RNF20: variants seen among roughly 807,000 people sequenced by gnomAD.
RNF20 encodes the protein ring finger protein 20.
Under a neutral mutation model 126.2 loss-of-function variants are expected in RNF20, and 84 were observed. That is an observed-to-expected ratio of 0.67 (90% CI 0.56 to 0.80). The LOEUF (loss-of-function observed/expected upper bound fraction) is 0.80. Among genes scored for constraint, RNF20 ranks in the 30% least tolerant of loss-of-function variants. RNF20 has a pLI of 0.00. For missense variants in RNF20, 869 were observed against 1,188.2 expected (o/e 0.73, Z 3.95); for synonymous variants, 400 against 414.3 (o/e 0.97, Z 0.42).
At chr9:101,541,973 A>T (rs1827265432) in intron 5 of RNF20, among the ~76,000 whole-genome samples, 1 of 152,202 alleles carries the variant, frequency 6.6e-6, no homozygotes, top group Non-Finnish European at 1.5e-5. Flanking sequence ...ATGCAAAAAA[A>T]ATGCCTTGAT....
At chr9:101,549,377 A>G (rs1827405522) in intron 9 of RNF20, among the ~76,000 whole-genome samples, 1 of 152,208 alleles carries the variant, frequency 6.6e-6, no homozygotes, top group Non-Finnish European at 1.5e-5. Context: ...TATTTCTGAT[A>G]ATTAGAGACT....
At position 101,540,628 on chromosome 9, in the gene RNF20, C is replaced by T. The variant is rs780693484; in HGVS notation, c.436C>T (p.Arg146Ter). ...TAGCAATCAGGAGCGTAAAGATGAC[C>T]GAGAGAGAGGCAAGTGTTCGTGATG... Reference protein sequence around the residue: ...SDSNQERKDDRERGEGQEPAF... With the variant: ...SDSNQERKDD The change falls in exon 4 of 20, where the codon CGA (arginine) becomes TGA (stop). Residue 146 changes from arginine (R) to a stop codon, truncating the protein, a stop_gained. Transcript: ENST00000389120. LOFTEE classifies it high-confidence loss of function. 1.2e-5 allele frequency: 20 copies of T among 1,613,878 alleles called. No homozygotes were observed. Among genetic ancestry groups the T allele is most frequent in the South Asian group, 2.2e-5 (2 of 91,068 alleles).
At chr9:101,557,361 A>G in intron 15 of RNF20, 23 bp from the exon 16 acceptor site, 3 of 1,574,594 alleles carry the variant, frequency 1.9e-6, no homozygotes, top group South Asian at 1.1e-5. Context: ...TTCTAAAATC[A>G]AATCTCTTCC....
At chr9:101,549,714 C>G (rs1827411339) in intron 9 of RNF20, among the ~76,000 whole-genome samples, 1 of 152,234 alleles carries the variant, frequency 6.6e-6, no homozygotes, top group Non-Finnish European at 1.5e-5. Flanking sequence ...AAGGAGCCCT[C>G]TGGTGGCCCT....
In RNF20 at chr9:101,552,510, C is replaced by T. The variant is rs1469120373; in HGVS notation, c.1658C>T (p.Ser553Phe). The T allele has an allele frequency of 6.2e-7, 1 of 1,613,998 alleles. No homozygotes were observed. Among genetic ancestry groups the T allele is most frequent in the Middle Eastern group, 1.6e-4 (1 of 6,062 alleles). The stretch of plus-strand genomic sequence containing the variant: ...TCCCAGTCCTCAGCTTCAAAGGCAT[C>T]TCAGGAGGATGCCAATGAAATCAAG... The part of the protein sequence containing the change: ...LSSQSSASKA[S>F]QEDANEIKSK... The change falls in exon 13 of 20, where the codon TCT becomes TTT. Residue 553 changes from serine (S) to phenylalanine (F), a missense_variant. By Grantham distance (155) the Ser-to-Phe change is radical. Around this residue, in one of 8 missense-constraint regions of RNF20, gnomAD observed 231 missense variants for 263.6 expected, o/e 0.88. Transcript: ENST00000389120.
intron 5 of RNF20, among the ~76,000 whole-genome samples, chr9:101,542,799 G>A (rs1588217809): frequency 3.3e-5 from 5 of 152,210 alleles, no homozygotes; most frequent in African/African-American, 1.2e-4. Flanking sequence ...ACTATTTAAT[G>A]GCATGCATTT....
chr9:101,551,557 CT>C, intron 10 of RNF20, 126 bp from the exon 11 acceptor site: 1 of 430,480 alleles, frequency 2.3e-6, no homozygotes, highest in Non-Finnish European at 3.4e-6. Context: ...CCAAATTAGT[CT>C]TTTGTAGATA....
Position 101,562,654 on chromosome 9 carries a change from A to G in RNF20, c.*232A>G. ...AATGAATTAGAAACAAATAACTCTT[A>G]CTGTCTTCCCTCCCAGCTTTGTTTA... On this transcript the variant is annotated 3_prime_UTR_variant, in exon 20 of 20. Transcript: ENST00000389120. The G allele has an allele frequency of 2.4e-6, 1 of 411,066 alleles. No individual in the cohort carries two copies. The highest frequency in any genetic ancestry group is 4.1e-5 in the Admixed American group (1 of 24,138). 25.5% of individuals were successfully genotyped at this position (411,066 alleles called of 1,614,324 possible).
chr9:101,536,433 A>AT lies in RNF20; in HGVS notation c.129+892dup, dbSNP rs80193358. Reference sequence around the variant, plus strand: ...GCTGAGGTTTATTTTAGAGAGGCTGATTTTTTTTTTTGAGTCAGAATAATA... The same window carrying AT: ...GCTGAGGTTTATTTTAGAGAGGCTGATTTTTTTTTTTTGAGTCAGAATAATA... On this transcript the variant is annotated intron_variant, in intron 2 of 19. Coordinates refer to ENST00000389120, the MANE Select transcript of RNF20 (RefSeq NM_019592.7). Among the ~76,000 whole-genome samples the AT allele has an allele frequency of 3.0e-3, 442 of 148,588 alleles. 4 individuals carry two copies. Among genetic ancestry groups the AT allele is most frequent in the East Asian group, 0.016 (79 of 5,076 alleles).
At chr9:101,549,060 G>GTC (rs1298520305) in intron 9 of RNF20, among the ~76,000 whole-genome samples, 3 of 152,128 alleles carry the variant, frequency 2.0e-5, no homozygotes, top group African/African-American at 7.2e-5. Context: ...GGGTCGGTGG[G>GTC]TCTCTCCCTG....
In RNF20 at chr9:101,552,305, C is replaced by G. The variant is rs200446492; in HGVS notation, c.1530+43C>G. On this transcript the variant is annotated intron_variant, in intron 12 of 19. Coordinates refer to ENST00000389120, the MANE Select transcript of RNF20 (RefSeq NM_019592.7). ...AATAAATATCATTTGCTATTAATGT[C>G]GTAAAGCTGCTTTTGAATGAGGTCG... is the stretch of plus-strand genomic sequence containing the variant. The G allele has an allele frequency of 8.7e-6, 14 of 1,612,766 alleles. No homozygotes were observed. In the African/African-American group the frequency reaches 1.9e-4, roughly 22 times the overall value.
chr9:101,541,084 A>G, intron 5 of RNF20, 109 bp downstream of exon 5: 2 of 814,002 alleles, frequency 2.5e-6, no homozygotes, highest in Non-Finnish European at 3.5e-6. Context: ...TTTATTTATT[A>G]TTTACTTTTT....
chr9:101,535,700 G>A (rs1248748916), intron 2 of RNF20, 148 bp downstream of exon 2: 6 of 770,970 alleles, frequency 7.8e-6, no homozygotes, highest in Non-Finnish European at 1.2e-5. Context: ...AAAATGATGT[G>A]GTAGTCAGTT....
Position 101,551,838 on chromosome 9 carries a change from C to A in RNF20, c.1408+19C>A. On this transcript the variant is annotated intron_variant, in intron 11 of 19. Coordinates refer to ENST00000389120, the MANE Select transcript of RNF20 (RefSeq NM_019592.7). Reference sequence around the variant, plus strand: ...CAAGCAGGTATAATGATTCTCACTCCATGCTGTAGTTTGCTCTTAATACCT... The same window carrying A: ...CAAGCAGGTATAATGATTCTCACTCAATGCTGTAGTTTGCTCTTAATACCT... The A allele has an allele frequency of 6.3e-7, 1 of 1,591,470 alleles. No individual in the cohort carries two copies. The highest frequency in any genetic ancestry group is 8.5e-7 in the Non-Finnish European group (1 of 1,171,358).
chr9:101,555,761 G>A (rs2118729326), intron 15 of RNF20, among the ~76,000 whole-genome samples: 1 of 150,838 alleles, frequency 6.6e-6, no homozygotes, highest in South Asian at 2.1e-4. Flanking sequence ...AGACCAGCCT[G>A]ACCAACATGG....
chr9:101,548,423 C>G (rs1827388051), intron 9 of RNF20, among the ~76,000 whole-genome samples: 1 of 152,134 alleles, frequency 6.6e-6, no homozygotes, highest in Non-Finnish European at 1.5e-5. Flanking sequence ...ATAATTAATG[C>G]TGTATTGTGT....
rs746838329 is a variant in RNF20 at position 101,561,896 on chromosome 9, C to G, written c.2650-14C>G. 7 of 1,564,964 alleles carry G rather than the reference C, an allele frequency of 4.5e-6. No individual in the cohort carries two copies. In the Admixed American group the frequency reaches 1.2e-4, roughly 26 times the overall value. Reference sequence around the variant, plus strand: ...TGGGTAAGTGTGTCTAATGGGTATGCTATCCTGCCACAGGAGGACATCTCT... The same window carrying G: ...TGGGTAAGTGTGTCTAATGGGTATGGTATCCTGCCACAGGAGGACATCTCT... On this transcript the variant is annotated splice_polypyrimidine_tract_variant and intron_variant, in intron 18 of 19. Transcript: ENST00000389120.
chr9:101,538,353 G>A (rs1326625108), intron 2 of RNF20, among the ~76,000 whole-genome samples: 1 of 152,104 alleles, frequency 6.6e-6, no homozygotes, highest in Non-Finnish European at 1.5e-5. Flanking sequence ...GTGATAATAA[G>A]GTAGGTGCTA....
intron 10 of RNF20, 147 bp downstream of exon 10, chr9:101,550,932 A>T: frequency 2.7e-6 from 2 of 746,724 alleles, no homozygotes; most frequent in Non-Finnish European, 2.3e-6. Context: ...GGTACTGGGC[A>T]TATAAAGATG....
Sources: allele counts gnomAD v4.1 joint callset (sites outside exome capture counted in the v4.1 genomes callset), GRCh38; gene constraint gnomAD v4.1.1; regional missense constraint gnomAD v4.1.1; transcripts MANE v1.5; gene names NCBI Gene and HGNC (gene_info 2026-07-23, HGNC 2026-07-21).